Variants in STIM1 observed in about 807,000 individuals in gnomAD.
STIM1 encodes stromal interaction molecule 1.
STIM1 carries 25 observed loss-of-function variants against 74.7 expected under a neutral mutation model. The ratio of observed to expected loss-of-function variants is 0.33; its 90% confidence interval spans 0.24 to 0.47. STIM1 has a LOEUF of 0.47. Among genes scored for constraint, STIM1 ranks in the 20% least tolerant of loss-of-function variants. The probability of loss-of-function intolerance (pLI) is 1.00; values close to 1 mark genes in which losing one functional copy is unlikely to be tolerated. For synonymous variants in STIM1, 328 were observed against 348.8 expected (o/e 0.94, Z 0.66); for missense variants, 728 against 920.8 (o/e 0.79, Z 2.71).
intron 1 of STIM1, among the ~76,000 whole-genome samples, chr11:3,873,977 G>A (rs948384373): frequency 3.9e-5 from 6 of 152,206 alleles, no homozygotes; most frequent in Non-Finnish European, 5.9e-5. Flanking sequence ...TAATTAAAAT[G>A]TGTTGACAGT....
chr11:3,936,446 C>T (rs1381106968), intron 1 of STIM1, among the ~76,000 whole-genome samples: 1 of 152,166 alleles, frequency 6.6e-6, no homozygotes, highest in African/African-American at 2.4e-5. Flanking sequence ...TCTCAGTACC[C>T]CTACAGTTCC....
chr11:3,904,196 C>CAA (rs57908154), intron 1 of STIM1, among the ~76,000 whole-genome samples: 63 of 73,852 alleles, frequency 8.5e-4, no homozygotes, highest in African/African-American at 1.4e-3. Context: ...GACTCTGTCT[C>CAA]AAAAAAAAAA....
At chr11:3,895,798 TCC>T (rs1427201628) in intron 1 of STIM1, among the ~76,000 whole-genome samples, 4,699 of 93,320 alleles carry the variant, frequency 0.05, 816 homozygotes, top group East Asian at 0.08. Flanking sequence ...CTTCCTTCCT[TCC>T]TTCCTTTCTT....
intron 2 of STIM1, among the ~76,000 whole-genome samples, chr11:3,992,435 A>G (rs957024969): frequency 6.6e-6 from 1 of 151,570 alleles, no homozygotes; most frequent in African/African-American, 2.4e-5. Flanking sequence ...TAAATAAAAT[A>G]AAAAACCTTT....
At chr11:3,861,040 G>A (rs1372967764) in intron 1 of STIM1, among the ~76,000 whole-genome samples, 3 of 152,116 alleles carry the variant, frequency 2.0e-5, no homozygotes, top group African/African-American at 7.2e-5. Context: ...GAGGGGTTGG[G>A]TGGAGGCAGA....
At chr11:4,086,717 C>T in intron 12 of STIM1, 174 bp downstream of exon 12, 1 of 1,538,052 alleles carries the variant, frequency 6.5e-7, no homozygotes, top group African/African-American at 1.4e-5. Context: ...ACTACCACCA[C>T]CACCACCACC....
chr11:3,928,320 G>A (rs2092813921), intron 1 of STIM1, among the ~76,000 whole-genome samples: 1 of 151,556 alleles, frequency 6.6e-6, no homozygotes, highest in Non-Finnish European at 1.5e-5. Context: ...CTGCCACTCA[G>A]GTTCACGTGA....
At chr11:3,930,655 A>T (rs971927942) in intron 1 of STIM1, among the ~76,000 whole-genome samples, 3 of 152,160 alleles carry the variant, frequency 2.0e-5, no homozygotes, top group African/African-American at 7.2e-5. Flanking sequence ...CTTGGCGTAC[A>T]AGGCATTCAG....
chr11:4,086,508 C>A lies in STIM1; in HGVS notation c.1599C>A (p.Arg533=), dbSNP rs377102721. The A allele has an allele frequency of 6.2e-7, 1 of 1,614,062 alleles. No individual in the cohort carries two copies. ...APSLQSSVRQ[R]LTEPQHGLGS... The stretch of plus-strand genomic sequence containing the variant: ...GCCTGCAGAGCAGTGTTCGGCAGCG[C>A]CTGACGGAGCCACAGCATGGCCTGG... The change falls in exon 12 of 13, where the codon CGC becomes CGA. Residue 533 remains arginine (R), a synonymous_variant. Transcript: ENST00000526596.
At chr11:4,059,417 G>T (rs769169994) in intron 5 of STIM1, 21 bp downstream of exon 5, 1 of 1,604,408 alleles carries the variant, frequency 6.2e-7, no homozygotes, top group Non-Finnish European at 8.5e-7. Context: ...TGTTGAGAAG[G>T]GCTACTGCTG....
At chr11:4,015,065 G>A (rs1436729840) in intron 2 of STIM1, among the ~76,000 whole-genome samples, 1 of 152,136 alleles carries the variant, frequency 6.6e-6, no homozygotes, top group Non-Finnish European at 1.5e-5. Flanking sequence ...GGTTTATATT[G>A]TTAGGTGTGA....
intron 1 of STIM1, among the ~76,000 whole-genome samples, chr11:3,902,987 T>A (rs1590547818): frequency 6.6e-6 from 1 of 152,194 alleles, no homozygotes; most frequent in Admixed American, 6.5e-5. Flanking sequence ...CCTGAACATG[T>A]TTATATATAA....
intron 5 of STIM1, among the ~76,000 whole-genome samples, chr11:4,068,763 A>G (rs1323721856): frequency 1.3e-5 from 2 of 152,142 alleles, no homozygotes; most frequent in Non-Finnish European, 1.5e-5. Flanking sequence ...TCTCATCCCC[A>G]TGTTCTGCTG....
At chr11:3,998,755 T>G (rs998564246) in intron 2 of STIM1, among the ~76,000 whole-genome samples, 1 of 152,080 alleles carries the variant, frequency 6.6e-6, no homozygotes, top group Non-Finnish European at 1.5e-5. Context: ...TCTAGAAAAC[T>G]TCACAGAAGG....
chr11:3,931,938 T>C (rs1421867366), intron 1 of STIM1, among the ~76,000 whole-genome samples: 1 of 152,190 alleles, frequency 6.6e-6, no homozygotes, highest in Non-Finnish European at 1.5e-5. Flanking sequence ...GAATGAAGGC[T>C]GCCAGATGAG....
chr11:3,974,535 G>T (rs932802677), intron 2 of STIM1, among the ~76,000 whole-genome samples: 4 of 147,130 alleles, frequency 2.7e-5, no homozygotes, highest in African/African-American at 5.0e-5. Flanking sequence ...AAAAAAGCCA[G>T]ATATTGGCAC....
At chr11:3,861,145 A>AG (rs1259143889) in intron 1 of STIM1, among the ~76,000 whole-genome samples, 3 of 151,906 alleles carry the variant, frequency 2.0e-5, no homozygotes, top group African/African-American at 7.3e-5. Flanking sequence ...GATGATCATT[A>AG]GGCAGAGTTG....
Position 4,013,690 on chromosome 11 carries a change from C to CTTTTTTTTTTTTTTTTTTT in STIM1, c.271-10169_271-10151dup, listed in dbSNP as rs1169600270. Among the ~76,000 whole-genome samples, 6 of 51,912 alleles carry CTTTTTTTTTTTTTTTTTTT rather than the reference C, an allele frequency of 1.2e-4. 1 individual carries two copies. The highest frequency in any genetic ancestry group is 1.6e-4 in the Non-Finnish European group (5 of 31,382). The allele number at this position is 51,912 out of a possible 152,430, so 34.1% of individuals were successfully genotyped here. A position where few individuals can be genotyped will look rare whatever the true frequency, so the allele number is the denominator to read the frequency against. ...AACCAGCTCCTGGATTCATTGATTT[C>CTTTTTTTTTTTTTTTTTTT]TTTTTTTTTTTTTTTTTTTTTTTTT... On this transcript the variant is annotated intron_variant, in intron 2 of 12. Transcript: ENST00000526596.
In STIM1 at chr11:4,091,929, C is replaced by T; in HGVS notation, c.*131C>T. ...AAGGGCTGGTCCAGGGGTCTGGGCA[C>T]TGTACATACCTGCCCCCTCATCCTT... On this transcript the variant is annotated 3_prime_UTR_variant, in exon 13 of 13. Coordinates refer to ENST00000526596, the MANE Select transcript of STIM1 (RefSeq NM_001382567.1). The T allele has an allele frequency of 8.5e-7, 1 of 1,174,270 alleles. No individual in the cohort carries two copies. Among genetic ancestry groups the T allele is most frequent in the Non-Finnish European group, 1.2e-6 (1 of 818,996 alleles). The allele number at this position is 1,174,270 out of a possible 1,614,324, so 72.7% of individuals were successfully genotyped here.
Sources: allele counts gnomAD v4.1 joint callset (sites outside exome capture counted in the v4.1 genomes callset), GRCh38; gene constraint gnomAD v4.1.1; transcripts MANE v1.5; gene names NCBI Gene and HGNC (gene_info 2026-07-23, HGNC 2026-07-21).